GPHN: variants seen among roughly 807,000 people sequenced by gnomAD.
The protein encoded by GPHN is gephyrin.
GPHN carries 17 observed loss-of-function variants against 95.5 expected under a neutral mutation model. The observed-to-expected ratio is 0.18, with a 90% CI of 0.12 to 0.27. GPHN has a LOEUF of 0.27. GPHN is among the 10% of genes least tolerant of loss of function. The pLI is 1.00. For missense variants in GPHN, 660 were observed against 978.1 expected (o/e 0.67, Z 4.34); for synonymous variants, 320 against 322.5 (o/e 0.99, Z 0.08).
At chr14:67,693,413 G>C in the GPHN span, among the ~76,000 whole-genome samples, 1 of 152,002 alleles carries the variant, frequency 6.6e-6, no homozygotes, top group Admixed American at 6.6e-5. Context: ...AGTTTCTGTA[G>C]GTCAATCTGT....
At chr14:66,525,010 A>G (rs2058631335) in intron 1 of GPHN, among the ~76,000 whole-genome samples, 1 of 152,172 alleles carries the variant, frequency 6.6e-6, no homozygotes. Flanking sequence ...TTGGGTATAT[A>G]CTCAGTAATA....
the GPHN span, chr14:67,343,237 T>C: frequency 1.7e-6 from 1 of 581,662 alleles, no homozygotes; most frequent in East Asian, 2.9e-5. Flanking sequence ...GACACACTTC[T>C]CTCTTTGCAC....
At chr14:66,943,947 G>T (rs1206703392) in intron 8 of GPHN, among the ~76,000 whole-genome samples, 2 of 152,106 alleles carry the variant, frequency 1.3e-5, no homozygotes, top group Non-Finnish European at 2.9e-5. Flanking sequence ...TAATTCTTGG[G>T]GTTCCATGAA....
the GPHN span, among the ~76,000 whole-genome samples, chr14:67,675,551 GC>G: frequency 6.7e-6 from 1 of 148,222 alleles, no homozygotes; most frequent in Admixed American, 6.7e-5. Context: ...TAGCTGCTAG[GC>G]CCGAGTAATT....
the GPHN span, among the ~76,000 whole-genome samples, chr14:67,193,390 G>GATATATCTAGATATATATCTAT: frequency 1.5e-5 from 2 of 132,916 alleles, no homozygotes; most frequent in African/African-American, 2.8e-5. Context: ...GATATATCTA[G>GATATATCTAGATATATATCTAT]ATATATCTAG....
chr14:67,691,326 GA>G, the GPHN span: 6 of 858,878 alleles, frequency 7.0e-6, no homozygotes, highest in Non-Finnish European at 9.7e-6. Flanking sequence ...CTCAGGCTTT[GA>G]AAATGAGGAT....
intron 10 of GPHN, among the ~76,000 whole-genome samples, chr14:67,028,974 G>T (rs188848378): frequency 3.3e-5 from 5 of 152,110 alleles, no homozygotes; most frequent in South Asian, 4.2e-4. Context: ...CTGTGTTTTC[G>T]TCTAGCAGTT....
At chr14:67,239,251 G>A in the GPHN span, among the ~76,000 whole-genome samples, 1 of 152,140 alleles carries the variant, frequency 6.6e-6, no homozygotes, top group Non-Finnish European at 1.5e-5. Context: ...TCTTTCCAAA[G>A]AGGTCCTTTC....
chr14:67,392,254 T>C, the GPHN span: 4 of 1,037,024 alleles, frequency 3.9e-6, no homozygotes, highest in African/African-American at 3.1e-5. Flanking sequence ...CCTTCCCTTC[T>C]TCTGGGCTCA....
the GPHN span, among the ~76,000 whole-genome samples, chr14:67,631,985 C>G: frequency 6.6e-6 from 1 of 152,180 alleles, no homozygotes; most frequent in Non-Finnish European, 1.5e-5. Context: ...AGTGATTCTT[C>G]CACCTCAGTG....
chr14:66,650,782 G>A, intron 1 of GPHN, among the ~76,000 whole-genome samples: 1 of 151,986 alleles, frequency 6.6e-6, no homozygotes, highest in Non-Finnish European at 1.5e-5. Context: ...TCAGGAAAAC[G>A]AAACTGGTCA....
At chr14:66,706,000 G>A (rs2069041852) in intron 2 of GPHN, among the ~76,000 whole-genome samples, 1 of 152,148 alleles carries the variant, frequency 6.6e-6, no homozygotes, top group South Asian at 2.1e-4. Context: ...AAAATCACAA[G>A]CATTTTTATA....
At chr14:67,214,382 A>G in the GPHN span, among the ~76,000 whole-genome samples, 1 of 152,192 alleles carries the variant, frequency 6.6e-6, no homozygotes, top group Admixed American at 6.5e-5. Flanking sequence ...CTTTCTACAT[A>G]TGGCTAGCCA....
At chr14:67,221,547 A>T in the GPHN span, among the ~76,000 whole-genome samples, 1 of 152,242 alleles carries the variant, frequency 6.6e-6, no homozygotes, top group Non-Finnish European at 1.5e-5. Flanking sequence ...ATTATTACGT[A>T]CAATAAACTT....
At chr14:67,178,391 C>G (rs1159163025) in intron 21 of GPHN, among the ~76,000 whole-genome samples, 1 of 152,192 alleles carries the variant, frequency 6.6e-6, no homozygotes, top group Non-Finnish European at 1.5e-5. Context: ...TATTGGCCCC[C>G]ACTGTCTCCT....
chr14:67,049,346 G>T (rs2075190086), intron 10 of GPHN, among the ~76,000 whole-genome samples: 1 of 151,926 alleles, frequency 6.6e-6, no homozygotes, highest in South Asian at 2.1e-4. Context: ...TCCTGCCTCA[G>T]CCTCCGGAGT....
chr14:66,873,338 A>T (rs1339645477), intron 4 of GPHN, among the ~76,000 whole-genome samples: 1 of 152,200 alleles, frequency 6.6e-6, no homozygotes, highest in Non-Finnish European at 1.5e-5. Context: ...CTGGGAGGCC[A>T]TTTGGGCAGA....
intron 2 of GPHN, among the ~76,000 whole-genome samples, chr14:66,717,582 T>C (rs531440111): frequency 1.3e-5 from 2 of 152,246 alleles, no homozygotes; most frequent in Non-Finnish European, 2.9e-5. Flanking sequence ...TAAATAAGCT[T>C]GTTTTGTCAT....
the GPHN span, among the ~76,000 whole-genome samples, chr14:67,507,357 A>G: frequency 1.9e-4 from 28 of 147,986 alleles, no homozygotes; most frequent in Admixed American, 1.8e-3. Flanking sequence ...TCTAAAATAA[A>G]CAAAAACAAA....
Sources: gnomAD v4.1 joint callset for allele counts (sites outside exome capture counted in the v4.1 genomes callset) on GRCh38, gnomAD v4.1.1 for gene constraint, MANE v1.5 for transcripts, NCBI Gene and HGNC (gene_info 2026-07-23, HGNC 2026-07-21) for gene names.